EEA1: variants seen among roughly 807,000 people sequenced by gnomAD.
EEA1 encodes the protein early endosome antigen 1, 162kD.
In EEA1, 111 loss-of-function variants were observed where a neutral mutation model predicts 209.2. That is an observed-to-expected ratio of 0.53 (90% CI 0.45 to 0.62). EEA1 has a LOEUF of 0.62. EEA1 is among the 20% of genes least tolerant of loss of function. EEA1 has a pLI of 0.00. For synonymous variants in EEA1, 536 were observed against 540.6 expected, an observed-to-expected ratio of 0.99 and a Z score of 0.12; for missense variants, 1,343 against 1,530.8, an observed-to-expected ratio of 0.88 and a Z score of 2.05.
intron 2 of EEA1, among the ~76,000 whole-genome samples, chr12:92,867,308 A>C (rs1878443426): frequency 6.6e-6 from 1 of 152,172 alleles, no homozygotes; most frequent in South Asian, 2.1e-4. Flanking sequence ...TTAGCTTGTC[A>C]AGTTCCTATA....
At chr12:92,776,239 C>T in intron 28 of EEA1, 106 bp from the exon 29 acceptor site, 3 of 1,057,790 alleles carry the variant, frequency 2.8e-6, no homozygotes, top group Non-Finnish European at 3.9e-6. Context: ...CATTAGCTTT[C>T]AAGTCATTGG....
intron 1 of EEA1, among the ~76,000 whole-genome samples, chr12:92,916,203 A>G (rs950338407): frequency 3.3e-5 from 5 of 152,210 alleles, no homozygotes; most frequent in African/African-American, 4.8e-5. Context: ...ACAAAAACAT[A>G]CCAAAATAAG....
At chr12:92,877,733 G>T (rs542025267) in intron 2 of EEA1, among the ~76,000 whole-genome samples, 1 of 151,998 alleles carries the variant, frequency 6.6e-6, no homozygotes, top group Admixed American at 6.6e-5. Context: ...GGCTGGTCTC[G>T]AACTCCTGAT....
In EEA1 at chr12:92,819,544, TA is replaced by T. The variant is rs758328606; in HGVS notation, c.1525-34del. On this transcript the variant is annotated intron_variant, in intron 13 of 28. Coordinates refer to ENST00000322349, the MANE Select transcript of EEA1 (RefSeq NM_003566.4). ...GAATTGAAAACTACTACTTTAAGAA[TA>T]GAGAACTTAAAAAGTTATTCCTCAA... The T allele has an allele frequency of 2.0e-5, 29 of 1,443,364 alleles. No homozygotes were observed. The African/African-American group carries it at 3.7e-4, about 19-fold the overall frequency. 89.4% of individuals were successfully genotyped at this position (1,443,364 alleles called of 1,614,324 possible).
chr12:92,822,319 T>C (rs907603065), intron 13 of EEA1, among the ~76,000 whole-genome samples: 2 of 152,178 alleles, frequency 1.3e-5, no homozygotes, highest in South Asian at 2.1e-4. Flanking sequence ...AATTCACATT[T>C]ACATTTCAAA....
chr12:92,837,097 T>C (rs947129499), intron 10 of EEA1, among the ~76,000 whole-genome samples: 6 of 143,492 alleles, frequency 4.2e-5, no homozygotes, highest in African/African-American at 1.3e-4. Context: ...CTCCAGCCTA[T>C]GTGAAAAAGT....
chr12:92,819,224 G>A, intron 14 of EEA1, 84 bp downstream of exon 14: 3 of 1,219,460 alleles, frequency 2.5e-6, no homozygotes, highest in South Asian at 1.8e-5. Context: ...GAGCAAGAAT[G>A]AAGAATCATT....
chr12:92,926,700 G>A (rs1166466419), intron 1 of EEA1, among the ~76,000 whole-genome samples: 1 of 152,112 alleles, frequency 6.6e-6, no homozygotes, highest in African/African-American at 2.4e-5. Flanking sequence ...CACTTCCTAA[G>A]CTTCATTGTT....
At chr12:92,893,169 T>C (rs1244520239) in intron 1 of EEA1, among the ~76,000 whole-genome samples, 8 of 152,230 alleles carry the variant, frequency 5.3e-5, no homozygotes, top group Admixed American at 5.2e-4. Flanking sequence ...GTTACTTTTA[T>C]ATCAAATTGC....
intron 3 of EEA1, chr12:92,858,172 A>G: frequency 3.1e-6 from 2 of 653,792 alleles, no homozygotes; most frequent in South Asian, 3.2e-5. Flanking sequence ...GCCCACCCAG[A>G]TAAGATCTGT....
chr12:92,897,001 C>T (rs1879912557), intron 1 of EEA1, among the ~76,000 whole-genome samples: 1 of 151,734 alleles, frequency 6.6e-6, no homozygotes, highest in African/African-American at 2.4e-5. Context: ...ATAATGAGAC[C>T]CCATCTCTAC....
chr12:92,851,322 A>T lies in EEA1; in HGVS notation c.643-56T>A, dbSNP rs1877623444. 4.0e-6 allele frequency: 6 copies of T among 1,487,236 alleles called. No homozygotes were observed. In the Admixed American group the frequency reaches 1.3e-4, roughly 31 times the overall value. 92.1% of individuals were successfully genotyped at this position (1,487,236 alleles called of 1,614,324 possible). ...AAAGTGAAAAACTAAAATAATACAC[A>T]TTTTTAGAATCATTTCACTACAAAG... On this transcript the variant is annotated intron_variant, in intron 8 of 28. Transcript: ENST00000322349.
chr12:92,871,654 T>G (rs1360419401), intron 2 of EEA1, among the ~76,000 whole-genome samples: 1 of 152,146 alleles, frequency 6.6e-6, no homozygotes, highest in Non-Finnish European at 1.5e-5. Flanking sequence ...TAAGGAAAAT[T>G]TTCAAGTGGT....
At chr12:92,861,255 A>G (rs1878132839) in intron 3 of EEA1, among the ~76,000 whole-genome samples, 1 of 152,218 alleles carries the variant, frequency 6.6e-6, no homozygotes, top group African/African-American at 2.4e-5. Flanking sequence ...CAGGAGTTCG[A>G]GACCAGCCTG....
chr12:92,900,673 T>C (rs1446400481), intron 1 of EEA1, among the ~76,000 whole-genome samples: 1 of 151,672 alleles, frequency 6.6e-6, no homozygotes, highest in African/African-American at 2.4e-5. Context: ...TTTTTTGTCT[T>C]GTTTTATTTT....
intron 1 of EEA1, among the ~76,000 whole-genome samples, chr12:92,921,887 GAAA>G (rs1238072239): frequency 5.4e-5 from 5 of 93,384 alleles, no homozygotes; most frequent in African/African-American, 8.1e-5. Context: ...AAAAAAAAAA[GAAA>G]AAAAGAAAAG....
At chr12:92,872,047 ATTTTTTTT>A (rs56671465) in intron 2 of EEA1, among the ~76,000 whole-genome samples, 1 of 132,594 alleles carries the variant, frequency 7.5e-6, no homozygotes, top group Admixed American at 8.0e-5. Context: ...GGCCCAGCTA[ATTTTTTTT>A]TTTTTTTTTT....
In EEA1 at chr12:92,838,912, C is replaced by CT. The variant is rs533397456; in HGVS notation, c.915+3552dup. On this transcript the variant is annotated intron_variant, in intron 10 of 28. Coordinates refer to ENST00000322349, the MANE Select transcript of EEA1 (RefSeq NM_003566.4). Reference sequence around the variant, plus strand: ...ATTGAGTTATACTGAACTAGCCACACTTTTTTTTTTATGAAACACCACTTT... The same window carrying CT: ...ATTGAGTTATACTGAACTAGCCACACTTTTTTTTTTTATGAAACACCACTTT... Among the ~76,000 whole-genome samples, 78 of 148,832 alleles carry CT rather than the reference C, an allele frequency of 5.2e-4. 1 individual carries two copies. Among genetic ancestry groups the CT allele is most frequent in the East Asian group, 3.5e-3 (18 of 5,086 alleles).
In EEA1 at chr12:92,777,611, A is replaced by G. The variant is rs1873712823; in HGVS notation, c.3946T>C (p.Leu1316=). The change falls in exon 27 of 29, where the codon TTG becomes CTG. Residue 1316 remains leucine (L), a synonymous_variant. Transcript: ENST00000322349. ...IEKLQTKVLE[L]QRKLDNTTAA... is the part of the protein sequence containing the mutation. ...GTTGTATTATCCAGCTTTCTTTGCA[A>G]TTCTAATACTTTGGTTTGAAGCTTT... is the stretch of plus-strand genomic sequence containing the variant. 1.9e-6 allele frequency: 3 copies of G among 1,612,238 alleles called. No individual in the cohort carries two copies. Among genetic ancestry groups the G allele is most frequent in the Non-Finnish European group, 1.7e-6 (2 of 1,178,912 alleles).
Sources: gnomAD v4.1 joint callset for allele counts (sites outside exome capture counted in the v4.1 genomes callset) on GRCh38, gnomAD v4.1.1 for gene constraint, MANE v1.5 for transcripts, NCBI Gene and HGNC (gene_info 2026-07-23, HGNC 2026-07-21) for gene names.